PUM1: variants seen among roughly 807,000 people sequenced by gnomAD.
PUM1 encodes the protein pumilio homolog 1.
Under a neutral mutation model 131.8 loss-of-function variants are expected in PUM1, and 13 were observed. The observed-to-expected ratio is 0.10, with a 90% CI of 0.06 to 0.16. The LOEUF is 0.16. Among genes scored for constraint, PUM1 ranks in the 10% least tolerant of loss-of-function variants. The pLI is 1.00. For synonymous variants in PUM1, 509 were observed against 556.5 expected (o/e 0.91, Z 1.20); for missense variants, 961 against 1,512.4 (o/e 0.64, Z 6.05).
chr1:30,975,574 C>T (rs1641104614), intron 9 of PUM1, among the ~76,000 whole-genome samples: 1 of 127,590 alleles, frequency 7.8e-6, no homozygotes, highest in Non-Finnish European at 1.6e-5. Context: ...AGGCTGGTGT[C>T]AAACTCCTGG....
At chr1:31,018,715 C>T (rs1642914183) in intron 3 of PUM1, among the ~76,000 whole-genome samples, 1 of 151,992 alleles carries the variant, frequency 6.6e-6, no homozygotes, top group Admixed American at 6.6e-5. Context: ...AGAGTCATTG[C>T]CCATTATGAT....
At chr1:31,038,987 T>A (rs869084089) in intron 2 of PUM1, among the ~76,000 whole-genome samples, 13,706 of 77,200 alleles carry the variant, frequency 0.18, 1,200 homozygotes, top group Non-Finnish European at 0.23. Flanking sequence ...TATATATATT[T>A]TTTTTTTTTT....
rs72657295 is a variant in PUM1 at position 30,992,784 on chromosome 1, A to G, written c.888-124T>C. The G allele has an allele frequency of 0.11, 87,776 of 828,876 alleles. 5,655 individuals carry two copies. Among genetic ancestry groups the G allele is most frequent in the Admixed American group, 0.22 (7,825 of 36,266 alleles). 51.3% of individuals were successfully genotyped at this position (828,876 alleles called of 1,614,324 possible). ...CAACAGTATTTAAAACTATTTCTAT[A>G]AAATAACCAGAGATACTTTACAGGG... is the stretch of plus-strand genomic sequence containing the variant. On this transcript the variant is annotated intron_variant, in intron 6 of 21. Coordinates refer to ENST00000426105, the MANE Select transcript of PUM1 (RefSeq NM_001020658.2).
At chr1:31,031,894 C>G (rs1335078107) in intron 2 of PUM1, among the ~76,000 whole-genome samples, 1 of 151,768 alleles carries the variant, frequency 6.6e-6, no homozygotes, top group African/African-American at 2.4e-5. Flanking sequence ...CCCTCTCTCT[C>G]TCTCTCTCTC....
chr1:31,051,168 AAAG>A (rs1216010925), intron 2 of PUM1: 3 of 152,264 alleles, frequency 2.0e-5, no homozygotes, highest in Non-Finnish European at 2.9e-5. Flanking sequence ...TCAAAAAAAA[AAAG>A]ACTAACAGCA....
intron 20 of PUM1, among the ~76,000 whole-genome samples, chr1:30,937,080 G>A (rs1365986655): frequency 2.6e-5 from 4 of 152,216 alleles, no homozygotes; most frequent in South Asian, 2.1e-4. Flanking sequence ...TCCAATCCAC[G>A]GGGACTATAG....
chr1:30,959,210 G>C (rs1640301990), intron 14 of PUM1, among the ~76,000 whole-genome samples: 1 of 152,152 alleles, frequency 6.6e-6, no homozygotes, highest in African/African-American at 2.4e-5. Context: ...AAGAAATAAT[G>C]CTAGTACTCC....
chr1:31,062,420 G>A (rs1461407223), intron 1 of PUM1, among the ~76,000 whole-genome samples: 1 of 152,048 alleles, frequency 6.6e-6, no homozygotes, highest in African/African-American at 2.4e-5. Context: ...CAGAATTCCA[G>A]ACCAGCCTGG....
At chr1:31,023,234 T>A (rs1196811609) in intron 3 of PUM1, among the ~76,000 whole-genome samples, 5 of 151,928 alleles carry the variant, frequency 3.3e-5, no homozygotes, top group Non-Finnish European at 7.4e-5. Context: ...CTTGGTCACA[T>A]ATTTTTATAT....
At chr1:31,064,842 G>C (rs1557614112) in intron 1 of PUM1, among the ~76,000 whole-genome samples, 1 of 125,536 alleles carries the variant, frequency 8.0e-6, no homozygotes, top group Non-Finnish European at 1.6e-5. Flanking sequence ...GTACTGACAA[G>C]TAAAACAAAT....
chr1:31,033,920 A>T (rs1643522556), intron 2 of PUM1, among the ~76,000 whole-genome samples: 1 of 152,136 alleles, frequency 6.6e-6, no homozygotes, highest in Non-Finnish European at 1.5e-5. Context: ...GATTACAGGT[A>T]TTAGCCACCG....
At chr1:31,039,282 G>A (rs1384105105) in intron 2 of PUM1, among the ~76,000 whole-genome samples, 4 of 150,744 alleles carry the variant, frequency 2.7e-5, no homozygotes, top group African/African-American at 7.3e-5. Context: ...GCAGTGGCAC[G>A]ATCTCAGCTC....
At chr1:31,031,628 AG>A (rs1201394421) in intron 2 of PUM1, among the ~76,000 whole-genome samples, 1 of 152,200 alleles carries the variant, frequency 6.6e-6, no homozygotes, top group East Asian at 1.9e-4. Context: ...TGGCAGTCAA[AG>A]GAAGTTTCCA....
At chr1:31,017,774 T>C (rs1642873725) in intron 3 of PUM1, among the ~76,000 whole-genome samples, 3 of 152,134 alleles carry the variant, frequency 2.0e-5, no homozygotes, top group Admixed American at 1.3e-4. Flanking sequence ...GAAAAATCAC[T>C]AATGTCAGCT....
Position 30,965,968 on chromosome 1 carries a change from A to C in PUM1, c.2086+14T>G. On this transcript the variant is annotated intron_variant, in intron 13 of 21. Coordinates refer to ENST00000426105, the MANE Select transcript of PUM1 (RefSeq NM_001020658.2). The stretch of plus-strand genomic sequence containing the variant: ...TAAAATTCAGTCTTAAGAGCATATC[A>C]GTCTAATTTCTACCTGCTGTTCCAA... The C allele has an allele frequency of 6.2e-7, 1 of 1,601,042 alleles. No individual in the cohort carries two copies. Among genetic ancestry groups the C allele is most frequent in the Non-Finnish European group, 8.5e-7 (1 of 1,173,904 alleles).
chr1:30,998,121 T>C (rs1162620010), intron 5 of PUM1, among the ~76,000 whole-genome samples: 2 of 152,094 alleles, frequency 1.3e-5, no homozygotes. Flanking sequence ...TCTGGGAAGG[T>C]GTTATATGGG....
At chr1:30,955,367 T>G (rs1640116826) in intron 14 of PUM1, among the ~76,000 whole-genome samples, 1 of 148,032 alleles carries the variant, frequency 6.8e-6, no homozygotes, top group Non-Finnish European at 1.5e-5. Context: ...CTTGGGAGGC[T>G]GAGGCAGGAG....
intron 14 of PUM1, among the ~76,000 whole-genome samples, chr1:30,955,075 AAAC>A (rs1640093723): frequency 1.3e-5 from 2 of 151,732 alleles, no homozygotes; most frequent in African/African-American, 2.4e-5. Flanking sequence ...TCTCCAAAAA[AAAC>A]AAACAAACAA....
intron 9 of PUM1, among the ~76,000 whole-genome samples, chr1:30,977,999 C>T (rs1484624338): frequency 6.6e-6 from 1 of 152,224 alleles, no homozygotes; most frequent in East Asian, 1.9e-4. Flanking sequence ...AATCCCAGCA[C>T]TCTGGGAGGC....
Sources: allele counts gnomAD v4.1 joint callset (sites outside exome capture counted in the v4.1 genomes callset), GRCh38; gene constraint gnomAD v4.1.1; transcripts MANE v1.5; gene names NCBI Gene and HGNC (gene_info 2026-07-23, HGNC 2026-07-21).